The following SMPD3 variants were observed in gnomAD, a reference collection of about 807,000 sequenced individuals.
SMPD3 encodes sphingomyelin phosphodiesterase 3, also known as nSMase-2.
Under a neutral mutation model 55.7 loss-of-function variants are expected in SMPD3, and 21 were observed. The observed-to-expected ratio is 0.38, with a 90% confidence interval of 0.27 to 0.54. SMPD3 has a LOEUF of 0.54. SMPD3 is among the 20% of genes least tolerant of loss of function. The probability of loss-of-function intolerance (pLI) is 0.80; values close to 1 mark genes in which losing one functional copy is unlikely to be tolerated. For missense variants in SMPD3, 842 were observed against 899.6 expected (o/e 0.94, Z 0.82); for synonymous variants, 457 against 404.3 (o/e 1.13, Z -1.56).
chr16:68,381,685 G>A (rs889312545), intron 2 of SMPD3, among the ~76,000 whole-genome samples: 2 of 152,166 alleles, frequency 1.3e-5, no homozygotes, highest in African/African-American at 4.8e-5. Flanking sequence ...TGGCTGCTCC[G>A]TCAGCCTCAG....
In SMPD3 at chr16:68,419,033, G is replaced by C. The variant is rs2090363680; in HGVS notation, c.-269+29320C>G. Among the ~76,000 whole-genome samples the C allele has an allele frequency of 2.0e-5, 3 of 152,184 alleles. No individual in the cohort carries two copies. In the South Asian group the frequency reaches 6.2e-4, roughly 32 times the overall value. ...GCATGAGGGCAAAGCTGGGTACAGGGCAGGCCCCAGTATGGTCTATTTGTA... is the reference window on the plus strand; with the variant it reads ...GCATGAGGGCAAAGCTGGGTACAGGCCAGGCCCCAGTATGGTCTATTTGTA... On this transcript the variant is annotated intron_variant, in intron 1 of 8. Transcript: ENST00000219334.
At chr16:68,429,918 C>T (rs889461397) in intron 1 of SMPD3, among the ~76,000 whole-genome samples, 14 of 152,144 alleles carry the variant, frequency 9.2e-5, no homozygotes, top group Admixed American at 5.9e-4. Context: ...ACCTCCTGCC[C>T]TTTGAAGTCC....
intron 3 of SMPD3, among the ~76,000 whole-genome samples, chr16:68,370,554 A>G (rs1345999418): frequency 4.0e-5 from 6 of 151,372 alleles, no homozygotes; most frequent in Non-Finnish European, 7.4e-5. Flanking sequence ...GCTCTGTTCC[A>G]CTCCCACCCT....
rs533496816 is a variant in SMPD3 at position 68,373,073 on chromosome 16, C to T, written c.-206-686G>A. Among the ~76,000 whole-genome samples, 7 of 152,358 alleles carry T rather than the reference C, an allele frequency of 4.6e-5. No individual in the cohort carries two copies. In the East Asian group the frequency reaches 7.7e-4, roughly 17 times the overall value. ...AACCCCCCAGCAATGAGGATCCAAG[C>T]GCAGCCTGCGTCTTACCAACTTCCA... On this transcript the variant is annotated intron_variant, in intron 2 of 8. Coordinates refer to ENST00000219334, the MANE Select transcript of SMPD3 (RefSeq NM_018667.4).
At chr16:68,367,648 G>A (rs1028649969) in intron 3 of SMPD3, 6 of 152,302 alleles carry the variant, frequency 3.9e-5, no homozygotes, top group African/African-American at 1.2e-4. Flanking sequence ...CTGGCCGGAG[G>A]AGTGACGAGG....
chr16:68,367,999 A>T (rs1435036944), intron 3 of SMPD3: 3 of 152,172 alleles, frequency 2.0e-5, no homozygotes, highest in South Asian at 4.1e-4. Context: ...GGGACCGCTG[A>T]TTTCTGCAGC....
At position 68,404,089 on chromosome 16, in the gene SMPD3, C is replaced by T. The variant is rs911251403; in HGVS notation, c.-268-17430G>A. On this transcript the variant is annotated intron_variant, in intron 1 of 8. Transcript: ENST00000219334. The surrounding 1 kb of genome is among the most constrained non-coding windows in gnomAD (Gnocchi z 4.0). ...TCTGTGCAGTGGTGCCATCATGGCT[C>T]ACTGCAGCCTCTGCCTCTCGGGCTC... Among the ~76,000 whole-genome samples, 2 of 151,998 alleles carry T rather than the reference C, an allele frequency of 1.3e-5. No homozygotes were observed. Among genetic ancestry groups the T allele is most frequent in the African/African-American group, 2.4e-5 (1 of 41,378 alleles).
chr16:68,368,519 GA>G, intron 3 of SMPD3: 1 of 153,136 alleles, frequency 6.5e-6, no homozygotes, highest in Non-Finnish European at 1.5e-5. Flanking sequence ...GGGCCATCTG[GA>G]AAGTGAGCTA....
chr16:68,439,414 G>A (rs1420733773), intron 1 of SMPD3, among the ~76,000 whole-genome samples: 1 of 152,162 alleles, frequency 6.6e-6, no homozygotes, highest in Non-Finnish European at 1.5e-5. Flanking sequence ...GGCATTTGTT[G>A]AATTAACAAA....
intron 1 of SMPD3, among the ~76,000 whole-genome samples, chr16:68,387,881 T>C (rs749190294): frequency 3.9e-5 from 6 of 152,230 alleles, no homozygotes; most frequent in Non-Finnish European, 7.3e-5. Flanking sequence ...TAACTGAAGA[T>C]GTAGCAGCAG....
At chr16:68,374,628 C>T (rs1324394662) in intron 2 of SMPD3, among the ~76,000 whole-genome samples, 4 of 152,310 alleles carry the variant, frequency 2.6e-5, no homozygotes, top group Non-Finnish European at 4.4e-5. Flanking sequence ...GGACGTACTC[C>T]CTCATTCTTT....
chr16:68,430,361 G>A (rs764709702), intron 1 of SMPD3, among the ~76,000 whole-genome samples: 18 of 152,130 alleles, frequency 1.2e-4, no homozygotes, highest in Admixed American at 2.0e-4. Flanking sequence ...ATGCTTTATC[G>A]ACTACAATGC....
At chr16:68,443,451 T>C (rs2090583997) in intron 1 of SMPD3, among the ~76,000 whole-genome samples, 1 of 152,220 alleles carries the variant, frequency 6.6e-6, no homozygotes, top group Admixed American at 6.5e-5. Context: ...ATAAGCTCTA[T>C]TTCTTTGGCT....
Position 68,448,359 on chromosome 16 carries a change from C to T in SMPD3, c.-275G>A, listed in dbSNP as rs1464719187. ...CGAATTCAGCAGCACTGACCTCTGACGGCGGGCGGGAGGGCGGTCAGCGCC... is the reference window on the plus strand; with the variant it reads ...CGAATTCAGCAGCACTGACCTCTGATGGCGGGCGGGAGGGCGGTCAGCGCC... On this transcript the variant is annotated 5_prime_UTR_variant, in exon 1 of 9. Coordinates refer to ENST00000219334, the MANE Select transcript of SMPD3 (RefSeq NM_018667.4). The T allele has an allele frequency of 6.6e-6, 1 of 152,238 alleles. No homozygotes were observed. The highest frequency in any genetic ancestry group is 1.5e-5 in the Non-Finnish European group (1 of 68,064). The allele number at this position is 152,238 out of a possible 1,614,324, so 9.4% of individuals were successfully genotyped here.
At chr16:68,444,313 G>A (rs1383701350) in intron 1 of SMPD3, among the ~76,000 whole-genome samples, 1 of 152,144 alleles carries the variant, frequency 6.6e-6, no homozygotes, top group East Asian at 1.9e-4. Flanking sequence ...GAGGGTCTTG[G>A]GAAATTTTCC....
At chr16:68,397,405 A>G (rs1434002435) in intron 1 of SMPD3, among the ~76,000 whole-genome samples, 7 of 152,214 alleles carry the variant, frequency 4.6e-5, no homozygotes, top group Admixed American at 2.0e-4. Flanking sequence ...GTATAAACCC[A>G]GCAGGAACCA....
rs73551959 is a variant in SMPD3, at chr16:68,426,690, C to T, written c.-269+21663G>A. ...AGAGGCCAAGGGATAGATGTACATT[C>T]GTCATTGCTGTTTCTGTCACTGCAC... On this transcript the variant is annotated intron_variant, in intron 1 of 8. Transcript: ENST00000219334. Among the ~76,000 whole-genome samples, 1,059 of 152,296 alleles carry T rather than the reference C, an allele frequency of 7.0e-3. 20 individuals are homozygous for T. Among genetic ancestry groups the T allele is most frequent in the African/African-American group, 0.024 (1,016 of 41,560 alleles).
intron 1 of SMPD3, among the ~76,000 whole-genome samples, chr16:68,398,171 G>A (rs2090176276): frequency 6.6e-6 from 1 of 152,196 alleles, no homozygotes; most frequent in Non-Finnish European, 1.5e-5. Flanking sequence ...GGGAAAAAGG[G>A]GGTCAAGGAC....
intron 1 of SMPD3, among the ~76,000 whole-genome samples, chr16:68,398,080 G>A (rs140227238): frequency 4.6e-5 from 7 of 152,232 alleles, no homozygotes; most frequent in African/African-American, 9.6e-5. Flanking sequence ...GTGGGTGGGC[G>A]TCTGGAATGT....
Sources: gnomAD v4.1 joint callset for allele counts (sites outside exome capture counted in the v4.1 genomes callset) on GRCh38, gnomAD v4.1.1 for gene constraint, Gnocchi (gnomAD v3.1) non-coding constraint, MANE v1.5 for transcripts, NCBI Gene and HGNC (gene_info 2026-07-23, HGNC 2026-07-21) for gene names.